FAM83G: variants seen among roughly 807,000 people sequenced by gnomAD.
The protein encoded by FAM83G is scaffolding CK1 anchoring protein G.
FAM83G carries 38 observed loss-of-function variants against 61.5 expected under a neutral mutation model. The ratio of observed to expected loss-of-function variants is 0.62; its 90% CI spans 0.48 to 0.81. The LOEUF is 0.81. Among genes scored for constraint, FAM83G ranks in the 30% least tolerant of loss-of-function variants. The pLI, the probability that FAM83G is intolerant of heterozygous loss-of-function variation, is 0.00. For missense variants in FAM83G, 989 were observed against 1,133.6 expected, an observed-to-expected ratio of 0.87 and a Z score of 1.83; for synonymous variants, 470 against 476.1, an observed-to-expected ratio of 0.99 and a Z score of 0.17.
chr17:18,997,517 A>G (rs1251969701), intron 2 of FAM83G, among the ~76,000 whole-genome samples: 5 of 152,228 alleles, frequency 3.3e-5, no homozygotes, highest in Admixed American at 6.5e-5. Flanking sequence ...TCTCAAAACT[A>G]TAGATTCAAA....
chr17:18,979,625 C>A lies in FAM83G; in HGVS notation c.739G>T (p.Ala247Ser), dbSNP rs780984602. ...GCCAGGGCACCCTTGAACTTGGTTG[C>A]CGACCGCGTGAAGAACTCAGTTCCC... ...SGGTEFFTRS[A>S]TKFKGALAQK... Residue 247 changes from alanine to serine, a missense_variant, in exon 4 of 6, where the codon GCA (alanine) becomes TCA (serine). Around this residue, in one of 3 missense-constraint regions of FAM83G, gnomAD observed 371 missense variants for 404.5 expected, o/e 0.92. Coordinates refer to ENST00000388995, the MANE Select transcript of FAM83G (RefSeq NM_001039999.3). The A allele has an allele frequency of 1.2e-6, 2 of 1,613,396 alleles. No homozygotes were observed. The highest frequency in any genetic ancestry group is 2.7e-5 in the African/African-American group (2 of 74,914).
At chr17:18,993,280 G>A (rs1209036594) in intron 2 of FAM83G, among the ~76,000 whole-genome samples, 2 of 152,070 alleles carry the variant, frequency 1.3e-5, no homozygotes, top group Non-Finnish European at 2.9e-5. Flanking sequence ...GCATCTGCTC[G>A]GACAACTACC....
At position 18,980,376 on chromosome 17, in the gene FAM83G, G is replaced by A. The variant is rs78335931; in HGVS notation, c.691-703C>T. The stretch of plus-strand genomic sequence containing the variant: ...ACTGTTTGGCCCAGGAGCAGGCCAG[G>A]AAGGCCCTCAGAGACTGTGGCCAAG... On this transcript the variant is annotated intron_variant, in intron 3 of 5. Transcript: ENST00000388995. Among the ~76,000 whole-genome samples, 1,363 of 152,272 alleles carry A rather than the reference G, an allele frequency of 9.0e-3. 17 individuals carry two copies. Among genetic ancestry groups the A allele is most frequent in the African/African-American group, 0.031 (1,302 of 41,548 alleles).
Position 18,978,375 on chromosome 17 carries a change from T to C in FAM83G, c.1291A>G (p.Ile431Val), listed in dbSNP as rs2043039779. ...GGGTTCCAGATGTTGGGGTCGATGA[T>C]ATTGATGTAGCCCAGGATGTCGCTG... ...PGSDILGYIN[I>V]IDPNIWNPQP... Residue 431 changes from isoleucine (I) to valine (V), a missense_variant, in exon 5 of 6, where the codon ATC becomes GTC. Physicochemically the swap from Ile to Val is conservative, Grantham distance 29. Coordinates refer to ENST00000388995, the MANE Select transcript of FAM83G (RefSeq NM_001039999.3). 2 of 1,593,728 alleles carry C rather than the reference T, an allele frequency of 1.3e-6. No homozygotes were observed. The highest frequency in any genetic ancestry group is 2.7e-5 in the African/African-American group (2 of 74,694).
At position 19,003,503 on chromosome 17, in the gene FAM83G, T is replaced by A; in HGVS notation, c.522+17A>T. On this transcript the variant is annotated intron_variant, in intron 2 of 5. Transcript: ENST00000388995. This position sits in a 1 kb window ranked among gnomAD's most constrained non-coding sequence, Gnocchi z 4.5. ...GCTGGTTGGGCCATGGCTCCAGGAGTCCCCGCGCTGCCTCACCTTCTGTGC... is the reference window on the plus strand; with the variant it reads ...GCTGGTTGGGCCATGGCTCCAGGAGACCCCGCGCTGCCTCACCTTCTGTGC... 2 of 1,516,478 alleles carry A rather than the reference T, an allele frequency of 1.3e-6. No homozygotes were observed. Among genetic ancestry groups the A allele is most frequent in the Non-Finnish European group, 1.8e-6 (2 of 1,131,688 alleles). 93.9% of individuals were successfully genotyped at this position (1,516,478 alleles called of 1,614,324 possible). A position where few individuals can be genotyped will look rare whatever the true frequency, so the allele number is the denominator to read the frequency against.
At chr17:18,983,617 A>G (rs1253054853) in intron 3 of FAM83G, among the ~76,000 whole-genome samples, 1 of 152,200 alleles carries the variant, frequency 6.6e-6, no homozygotes, top group African/African-American at 2.4e-5. Flanking sequence ...AACAGAGCCC[A>G]ACATAGCAGC....
chr17:18,988,264 G>A lies in FAM83G; in HGVS notation c.673C>T (p.His225Tyr). Residue 225 changes from histidine to tyrosine, a missense_variant, in exon 3 of 6, where the codon CAC becomes TAC. Physicochemically the swap from His to Tyr is moderately conservative, Grantham distance 83. Transcript: ENST00000388995. ...CTGCTCACCTTGAGGTGCCCCAGGT[G>A]CATGCAGGCCCGCTCACACATGTGC... Reference protein sequence around the residue: ...FLHMCERACMHLGHLKNLRVR... With the variant: ...FLHMCERACMYLGHLKNLRVR... The A allele has an allele frequency of 6.2e-7, 1 of 1,610,092 alleles. No homozygotes were observed. The highest frequency in any genetic ancestry group is 1.7e-4 in the Middle Eastern group (1 of 6,040).
Position 18,978,721 on chromosome 17 carries a change from G to A in FAM83G, c.945C>T (p.Ile315=). 6.2e-7 allele frequency: 1 copy of A among 1,613,018 alleles called. No individual in the cohort carries two copies. Among genetic ancestry groups the A allele is most frequent in the Non-Finnish European group, 8.5e-7 (1 of 1,180,016 alleles). ...CCGGCTCCGGTTCCTTCTCCATAGGGATGCCCTTGAGGCTCACACTGTGTG... is the reference window on the plus strand; with the variant it reads ...CCGGCTCCGGTTCCTTCTCCATAGGAATGCCCTTGAGGCTCACACTGTGTG... ...LMSHSVSLKG[I]PMEKEPEPEP... Residue 315 remains isoleucine, a synonymous_variant, in exon 5 of 6, where the codon ATC becomes ATT. Transcript: ENST00000388995.
rs149122071 is a variant in FAM83G, at chr17:18,975,411, C to T, written c.2082+2173G>A. ...AGTAAGTTAAAATCACGGAGGCAGC[C>T]GGATGCGGTGGCTCACACCTGTAAT... On this transcript the variant is annotated intron_variant, in intron 5 of 5. Transcript: ENST00000388995. 2.0e-5 allele frequency among the ~76,000 whole-genome samples: 3 copies of T among 152,262 alleles called. No individual in the cohort carries two copies. In the East Asian group the frequency reaches 5.8e-4, roughly 29 times the overall value.
In FAM83G at chr17:18,978,255, G is replaced by C. The variant is rs773937610; in HGVS notation, c.1411C>G (p.Arg471Gly). Residue 471 changes from arginine (R) to glycine (G), a missense_variant, in exon 5 of 6, where the codon CGT becomes GGT. Arg to Gly is a moderately radical substitution (Grantham distance 125, BLOSUM62 -2). This residue lies in a region of FAM83G where 574 missense variants were observed against 645.1 expected (regional missense o/e 0.89). Transcript: ENST00000388995. The stretch of plus-strand genomic sequence containing the variant: ...TCTGGGGGAGGGCAAGGCTCTGGAC[G>C]GGGCCTGCTGTCCTGGCTCTGCTTC... ...LWKQSQDSRP[R>G]PEPCPPPEPS... The C allele has an allele frequency of 1.2e-6, 2 of 1,604,332 alleles. No individual in the cohort carries two copies. The highest frequency in any genetic ancestry group is 1.7e-6 in the Non-Finnish European group (2 of 1,174,768).
chr17:18,998,531 G>A (rs1243101283), intron 2 of FAM83G, among the ~76,000 whole-genome samples: 3 of 152,202 alleles, frequency 2.0e-5, no homozygotes, highest in Non-Finnish European at 1.5e-5. Context: ...TGAACATGAC[G>A]GCAGGCCCTG....
At chr17:18,979,514 C>A in intron 4 of FAM83G, 35 bp downstream of exon 4, 1 of 1,609,996 alleles carries the variant, frequency 6.2e-7, no homozygotes, top group Non-Finnish European at 8.5e-7. Context: ...CCAGAGGTAC[C>A]TCTCGCACAA....
intron 5 of FAM83G, chr17:18,975,972 G>A (rs988969364): frequency 7.9e-5 from 12 of 151,928 alleles, no homozygotes; most frequent in African/African-American, 2.9e-4. Flanking sequence ...GCGATCACGA[G>A]GTCAGGAGAT....
chr17:18,992,461 C>T (rs923888805), intron 2 of FAM83G, among the ~76,000 whole-genome samples: 1 of 152,226 alleles, frequency 6.6e-6, no homozygotes, highest in African/African-American at 2.4e-5. Context: ...GAGAACCCCA[C>T]CTGTGGCCAC....
chr17:18,985,096 T>C (rs1039956149), intron 3 of FAM83G, among the ~76,000 whole-genome samples: 1 of 152,152 alleles, frequency 6.6e-6, no homozygotes, highest in African/African-American at 2.4e-5. Flanking sequence ...AGCCAGACCC[T>C]GGCGCAGAGG....
chr17:18,992,036 C>A (rs912747286), intron 2 of FAM83G, among the ~76,000 whole-genome samples: 5 of 152,122 alleles, frequency 3.3e-5, no homozygotes, highest in African/African-American at 1.2e-4. Flanking sequence ...CTCCAGTGAG[C>A]CAACAGCGAG....
chr17:18,987,040 C>G (rs1225329232), intron 3 of FAM83G, among the ~76,000 whole-genome samples: 1 of 152,196 alleles, frequency 6.6e-6, no homozygotes, highest in African/African-American at 2.4e-5. Context: ...TGCTCACAAC[C>G]ACTTGAAAGG....
Position 18,968,950 on chromosome 17 carries a change from G to A in FAM83G, c.*2409C>T. On this transcript the variant is annotated 3_prime_UTR_variant, in exon 6 of 6. Coordinates refer to ENST00000388995, the MANE Select transcript of FAM83G (RefSeq NM_001039999.3). The surrounding 1 kb of genome is among the most constrained non-coding windows in gnomAD (Gnocchi z 4.1). ...TGGGGGTCTCCCCTCCTTATCCACA[G>A]GCCACCGAGGCCCAGAGAGGGCCTT... The A allele has an allele frequency of 8.9e-7, 1 of 1,127,646 alleles. No individual in the cohort carries two copies. Among genetic ancestry groups the A allele is most frequent in the Non-Finnish European group, 1.2e-6 (1 of 802,810 alleles). 69.9% of individuals were successfully genotyped at this position (1,127,646 alleles called of 1,614,324 possible). A position where few individuals can be genotyped will look rare whatever the true frequency, so the allele number is the denominator to read the frequency against.
chr17:18,994,408 AT>A (rs1414637012), intron 2 of FAM83G, among the ~76,000 whole-genome samples: 1 of 152,116 alleles, frequency 6.6e-6, no homozygotes, highest in Non-Finnish European at 1.5e-5. Flanking sequence ...AGCAGCTAGG[AT>A]TTGCAGGACG....
Sources: gnomAD v4.1 joint callset for allele counts (sites outside exome capture counted in the v4.1 genomes callset) on GRCh38, gnomAD v4.1.1 for gene constraint, gnomAD v4.1.1 regional missense constraint, Gnocchi (gnomAD v3.1) non-coding constraint, MANE v1.5 for transcripts, NCBI Gene and HGNC (gene_info 2026-07-23, HGNC 2026-07-21) for gene names.